MYO10: variants seen among roughly 807,000 people sequenced by gnomAD.
MYO10 encodes the protein unconventional myosin-X.
Under a neutral mutation model 257.3 loss-of-function variants are expected in MYO10, and 133 were observed. The ratio of observed to expected loss-of-function variants is 0.52; its 90% CI spans 0.45 to 0.60. The LOEUF is 0.60. Ranked by LOEUF, MYO10 falls within the 20% of genes least tolerant of loss-of-function variation. The probability of loss-of-function intolerance (pLI) is 0.00; values close to 1 mark genes in which losing one functional copy is unlikely to be tolerated. For missense variants in MYO10, 2,399 were observed against 2,635.7 expected (o/e 0.91, Z 1.97); for synonymous variants, 1,104 against 1,028.6 (o/e 1.07, Z -1.40).
rs1010114978 is a variant in MYO10, at chr5:16,815,399, G to A, written c.279+2610C>T. 4.3e-6 allele frequency: 3 copies of A among 695,290 alleles called. No individual in the cohort carries two copies. In the African/African-American group the frequency reaches 5.3e-5, roughly 12 times the overall value. 43.1% of individuals were successfully genotyped at this position (695,290 alleles called of 1,614,324 possible). On this transcript the variant is annotated intron_variant, in intron 3 of 40. Coordinates refer to ENST00000513610, the MANE Select transcript of MYO10 (RefSeq NM_012334.3). ...TCAGCAACACATCAGCATGCAAAAT[G>A]TCTTGGATTTTGAAGCATTGTGGAT...
intron 29 of MYO10, among the ~76,000 whole-genome samples, chr5:16,685,117 G>A (rs559863135): frequency 5.9e-5 from 9 of 152,044 alleles, no homozygotes; most frequent in Admixed American, 3.9e-4. Flanking sequence ...GTGTACTTCC[G>A]TGACTTCATA....
chr5:16,733,861 G>A (rs961506765), intron 19 of MYO10, among the ~76,000 whole-genome samples: 3 of 152,056 alleles, frequency 2.0e-5, no homozygotes, highest in East Asian at 1.9e-4. Context: ...TTGACGGCTC[G>A]GCATCGCAGC....
intron 2 of MYO10, among the ~76,000 whole-genome samples, chr5:16,861,385 G>A (rs1039428559): frequency 1.3e-5 from 2 of 151,966 alleles, no homozygotes; most frequent in African/African-American, 4.8e-5. Flanking sequence ...GGCCAACGTA[G>A]TGAAATCCTG....
In MYO10 at chr5:16,673,673, T is replaced by C; in HGVS notation, c.5172+9A>G. ...TCTAACAGAACAAGCAGCAGCTGCC[T>C]CTCCTCACCTCCCCAGCGGTGGTGT... On this transcript the variant is annotated intron_variant, in intron 36 of 40. Coordinates refer to ENST00000513610, the MANE Select transcript of MYO10 (RefSeq NM_012334.3). 1.9e-6 allele frequency: 3 copies of C among 1,611,588 alleles called. No individual in the cohort carries two copies. Among genetic ancestry groups the C allele is most frequent in the Non-Finnish European group, 2.5e-6 (3 of 1,178,696 alleles).
At position 16,794,626 on chromosome 5, in the gene MYO10, C is replaced by A; in HGVS notation, c.467+20G>T. ...ACTCCTGGGCCATGGGAAAGTCCGA[C>A]TGGCTGTGAGCCCCGTTACCTGATG... On this transcript the variant is annotated intron_variant, in intron 4 of 40. Coordinates refer to ENST00000513610, the MANE Select transcript of MYO10 (RefSeq NM_012334.3). The A allele has an allele frequency of 6.3e-7, 1 of 1,589,076 alleles. No individual in the cohort carries two copies. The highest frequency in any genetic ancestry group is 8.6e-7 in the Non-Finnish European group (1 of 1,166,750).
intron 19 of MYO10, among the ~76,000 whole-genome samples, chr5:16,751,150 G>A (rs1740366550): frequency 6.6e-6 from 1 of 152,116 alleles, no homozygotes; most frequent in Non-Finnish European, 1.5e-5. Context: ...AATGAGGTGA[G>A]GAGAAACCGT....
intron 1 of MYO10, among the ~76,000 whole-genome samples, chr5:16,924,072 G>A (rs1258030243): frequency 6.6e-6 from 1 of 152,114 alleles, no homozygotes; most frequent in Non-Finnish European, 1.5e-5. Context: ...CCTAAATGAC[G>A]GAGTGAGACG....
intron 19 of MYO10, among the ~76,000 whole-genome samples, chr5:16,717,065 G>T (rs1738904881): frequency 6.6e-6 from 1 of 152,146 alleles, no homozygotes; most frequent in African/African-American, 2.4e-5. Flanking sequence ...TTGAACTCCT[G>T]ACCTCAGGTG....
At chr5:16,766,238 C>G in intron 10 of MYO10, 40 bp from the exon 11 acceptor site, 1 of 1,501,222 alleles carries the variant, frequency 6.7e-7, no homozygotes, top group East Asian at 2.3e-5. Flanking sequence ...CCCACCGCCC[C>G]CAAGAAGCTA....
intron 4 of MYO10, among the ~76,000 whole-genome samples, chr5:16,789,227 T>C (rs114407014): frequency 3.9e-5 from 6 of 152,300 alleles, no homozygotes; most frequent in Non-Finnish European, 7.4e-5. Context: ...AAGGGCAGAG[T>C]TGATTAGTTG....
chr5:16,827,217 G>T (rs974777591), intron 2 of MYO10, among the ~76,000 whole-genome samples: 5 of 152,036 alleles, frequency 3.3e-5, no homozygotes, highest in African/African-American at 9.7e-5. Context: ...TAGCAATACT[G>T]CCCTGTTTTC....
chr5:16,792,282 GAGA>G (rs1461717106), intron 4 of MYO10, among the ~76,000 whole-genome samples: 1 of 151,986 alleles, frequency 6.6e-6, no homozygotes, highest in Non-Finnish European at 1.5e-5. Context: ...AACTGCCAGT[GAGA>G]AGAACACAAC....
At chr5:16,681,525 TAAA>T (rs763584928) in intron 31 of MYO10, 22 bp from the exon 32 acceptor site, 60 of 1,583,596 alleles carry the variant, frequency 3.8e-5, no homozygotes, top group Non-Finnish European at 4.6e-5. Context: ...GATTAAAGTG[TAAA>T]TTAAAATCTG....
At chr5:16,782,552 A>T (rs1181957584) in intron 5 of MYO10, among the ~76,000 whole-genome samples, 1 of 152,248 alleles carries the variant, frequency 6.6e-6, no homozygotes, top group Non-Finnish European at 1.5e-5. Context: ...AAAAACAGTT[A>T]ACACACATTT....
At chr5:16,686,583 G>A (rs572987368) in intron 28 of MYO10, among the ~76,000 whole-genome samples, 3 of 151,920 alleles carry the variant, frequency 2.0e-5, no homozygotes, top group African/African-American at 7.2e-5. Flanking sequence ...TGCCCAAGCT[G>A]GAGTACAATG....
chr5:16,761,565 AGAG>A lies in MYO10; in HGVS notation c.1657-22_1657-20del, dbSNP rs1740714830. ...ATTGCACCTAGTTTTAATAAATAAG[AGAG>A]GAGAAAACTGATTGAAAGAATAGTT... On this transcript the variant is annotated intron_variant, in intron 16 of 40. Coordinates refer to ENST00000513610, the MANE Select transcript of MYO10 (RefSeq NM_012334.3). 6.3e-7 allele frequency: 1 copy of A among 1,579,334 alleles called. No individual in the cohort carries two copies. The highest frequency in any genetic ancestry group is 8.7e-7 in the Non-Finnish European group (1 of 1,149,032).
rs1560979466 is a variant in MYO10, at chr5:16,777,839, C to CCTTTTTTTTTTTTTTT, written c.930+1705_930+1706insAAAAAAAAAAAAAAAG. Among the ~76,000 whole-genome samples the CCTTTTTTTTTTTTTTT allele has an allele frequency of 1.8e-3, 162 of 88,472 alleles. 14 individuals are homozygous for CCTTTTTTTTTTTTTTT. The highest frequency in any genetic ancestry group is 5.3e-3 in the African/African-American group (99 of 18,648). The allele number at this position is 88,472 out of a possible 152,430, so 58.0% of individuals were successfully genotyped here. On this transcript the variant is annotated intron_variant, in intron 9 of 40. Coordinates refer to ENST00000513610, the MANE Select transcript of MYO10 (RefSeq NM_012334.3). ...GCCACCCTAGGTGCATTGCATCTAA[C>CCTTTTTTTTTTTTTTT]TTTTTTTTTTTTTTTTTTTTTTTTT...
intron 33 of MYO10, 112 bp from the exon 34 acceptor site, chr5:16,676,266 T>G: frequency 2.3e-6 from 3 of 1,322,742 alleles, no homozygotes; most frequent in Non-Finnish European, 3.1e-6. Flanking sequence ...ATGGTGGAAA[T>G]CCAGTGTTAG....
intron 8 of MYO10, 104 bp downstream of exon 8, chr5:16,780,420 C>T (rs998104964): frequency 4.6e-5 from 49 of 1,069,354 alleles, no homozygotes; most frequent in Middle Eastern, 5.1e-4. Context: ...TCATTGCTAT[C>T]GGTGAAATGT....
Sources: gnomAD v4.1 joint callset for allele counts (sites outside exome capture counted in the v4.1 genomes callset) on GRCh38, gnomAD v4.1.1 for gene constraint, MANE v1.5 for transcripts, NCBI Gene and HGNC (gene_info 2026-07-23, HGNC 2026-07-21) for gene names.